Variants in ADAMTS17 observed in about 807,000 individuals in gnomAD.
ADAMTS17 encodes A disintegrin and metalloproteinase with thrombospondin motifs 17.
ADAMTS17 carries 113 observed loss-of-function variants against 141.5 expected under a neutral mutation model. That is an observed-to-expected ratio of 0.80 (90% CI 0.69 to 0.93). The LOEUF is 0.93. Ranked by LOEUF, ADAMTS17 falls within the 40% of genes least tolerant of loss-of-function variation. The pLI is 0.00. For missense variants in ADAMTS17, 1,659 were observed against 1,517.9 expected (o/e 1.09, Z -1.54); for synonymous variants, 768 against 630.6 (o/e 1.22, Z -3.27).
At chr15:100,314,179 A>G (rs191643194) in intron 3 of ADAMTS17, among the ~76,000 whole-genome samples, 48 of 152,346 alleles carry the variant, frequency 3.2e-4, no homozygotes, top group Admixed American at 6.5e-4. Context: ...AGACAAATAC[A>G]AAGGAATTAA....
intron 6 of ADAMTS17, among the ~76,000 whole-genome samples, chr15:100,260,148 T>G (rs1260055750): frequency 6.6e-6 from 1 of 152,102 alleles, no homozygotes. Flanking sequence ...CCCGGCTTAT[T>G]CTGGGATTTT....
At chr15:100,111,121 T>C (rs1248482178) in intron 13 of ADAMTS17, among the ~76,000 whole-genome samples, 2 of 152,132 alleles carry the variant, frequency 1.3e-5, no homozygotes, top group Non-Finnish European at 2.9e-5. Context: ...GGAGTAATGA[T>C]GCCTCACCAT....
chr15:100,051,834 G>A, intron 16 of ADAMTS17, 103 bp from the exon 17 acceptor site: 6 of 1,431,402 alleles, frequency 4.2e-6, no homozygotes, highest in Non-Finnish European at 5.9e-6. Flanking sequence ...TCTTTATGAG[G>A]GGTAACCAGC....
chr15:100,053,124 T>C (rs2032275268), intron 16 of ADAMTS17, among the ~76,000 whole-genome samples: 1 of 152,208 alleles, frequency 6.6e-6, no homozygotes, highest in Non-Finnish European at 1.5e-5. Flanking sequence ...GGGCACAAGC[T>C]GCCACAAATC....
intron 3 of ADAMTS17, among the ~76,000 whole-genome samples, chr15:100,323,043 T>C (rs542915113): frequency 7.5e-5 from 10 of 132,992 alleles, no homozygotes; most frequent in African/African-American, 3.0e-4. Flanking sequence ...GCTGAGATTG[T>C]GCCACTGAAC....
At chr15:100,056,926 G>T (rs1032534881) in intron 15 of ADAMTS17, among the ~76,000 whole-genome samples, 1 of 152,096 alleles carries the variant, frequency 6.6e-6, no homozygotes, top group Admixed American at 6.6e-5. Context: ...TGCCTCCGGG[G>T]CCTGGGAATG....
At chr15:100,133,909 T>C (rs1000034094) in intron 10 of ADAMTS17, among the ~76,000 whole-genome samples, 3 of 144,152 alleles carry the variant, frequency 2.1e-5, no homozygotes, top group Non-Finnish European at 3.1e-5. Flanking sequence ...CAATTTTTTA[T>C]AGCATTTTAC....
intron 15 of ADAMTS17, among the ~76,000 whole-genome samples, chr15:100,087,759 G>T (rs1167892696): frequency 6.6e-6 from 1 of 152,162 alleles, no homozygotes; most frequent in Non-Finnish European, 1.5e-5. Flanking sequence ...CTCAATAGAT[G>T]CAGAAAAGGC....
intron 1 of ADAMTS17, 90 bp downstream of exon 1, chr15:100,341,731 C>A: frequency 6.9e-7 from 1 of 1,459,658 alleles, no homozygotes; most frequent in Admixed American, 2.4e-5. Flanking sequence ...GGTCCCGCCG[C>A]CGCCCCCGGG....
intron 7 of ADAMTS17, among the ~76,000 whole-genome samples, chr15:100,203,873 G>A (rs1450968541): frequency 6.6e-6 from 1 of 151,818 alleles, no homozygotes; most frequent in Admixed American, 6.6e-5. Flanking sequence ...ACTGCAGCCT[G>A]GGTGACAGAC....
intron 8 of ADAMTS17, among the ~76,000 whole-genome samples, chr15:100,172,384 T>C (rs950556782): frequency 6.6e-6 from 1 of 152,224 alleles, no homozygotes; most frequent in Non-Finnish European, 1.5e-5. Context: ...TTCAGTTCTT[T>C]GTCCTCCATT....
At chr15:100,012,485 A>G (rs539554165) in intron 18 of ADAMTS17, among the ~76,000 whole-genome samples, 2 of 152,300 alleles carry the variant, frequency 1.3e-5, no homozygotes, top group Admixed American at 1.3e-4. Context: ...GGGTTTTTCC[A>G]ACGTTATCTT....
intron 18 of ADAMTS17, among the ~76,000 whole-genome samples, chr15:100,003,454 C>T (rs900447353): frequency 3.9e-5 from 6 of 152,004 alleles, no homozygotes; most frequent in African/African-American, 7.3e-5. Flanking sequence ...CAGGGTTGGC[C>T]GCGAGTAAGC....
chr15:100,095,034 T>C (rs2035677648), intron 15 of ADAMTS17, among the ~76,000 whole-genome samples: 1 of 152,212 alleles, frequency 6.6e-6, no homozygotes, highest in Non-Finnish European at 1.5e-5. Context: ...GATGGAAAGA[T>C]GAACTTTTAA....
intron 1 of ADAMTS17, 102 bp downstream of exon 1, chr15:100,341,719 G>A (rs2046372511): frequency 7.1e-7 from 1 of 1,413,748 alleles, no homozygotes; most frequent in Admixed American, 2.7e-5. Flanking sequence ...GGCGCCGTCA[G>A]CGGTCCCGCC....
chr15:100,290,714 T>C (rs1254587730), intron 3 of ADAMTS17, among the ~76,000 whole-genome samples: 1 of 152,060 alleles, frequency 6.6e-6, no homozygotes, highest in East Asian at 1.9e-4. Context: ...CACCTACAAC[T>C]ACCTGATCTC....
chr15:100,164,201 A>T (rs1436129463), intron 8 of ADAMTS17, among the ~76,000 whole-genome samples: 1 of 152,154 alleles, frequency 6.6e-6, no homozygotes, highest in Non-Finnish European at 1.5e-5. Context: ...CAATGTCCTG[A>T]TGGCTTTGAT....
At chr15:99,979,162 A>C (rs2060429903) in intron 20 of ADAMTS17, 1 of 152,178 alleles carries the variant, frequency 6.6e-6, no homozygotes, top group Non-Finnish European at 1.5e-5. Context: ...AGGCTGAGGC[A>C]GGCGGATCAC....
At chr15:100,225,997 T>C (rs754766651) in intron 7 of ADAMTS17, among the ~76,000 whole-genome samples, 572 of 128,842 alleles carry the variant, frequency 4.4e-3, no homozygotes, top group Non-Finnish European at 7.1e-3. Context: ...ATAGCAGTCA[T>C]AGCCTCTGTG....
Sources: gnomAD v4.1 joint callset for allele counts (sites outside exome capture counted in the v4.1 genomes callset) on GRCh38, gnomAD v4.1.1 for gene constraint, MANE v1.5 for transcripts, NCBI Gene and HGNC (gene_info 2026-07-23, HGNC 2026-07-21) for gene names.